PRICKLE2: variants seen among roughly 807,000 people sequenced by gnomAD.
PRICKLE2 encodes prickle-like protein 2.
PRICKLE2 carries 21 observed loss-of-function variants against 81.4 expected under a neutral mutation model. The observed-to-expected ratio is 0.26, with a 90% CI of 0.18 to 0.37. PRICKLE2 has a LOEUF of 0.37. Among genes scored for constraint, PRICKLE2 ranks in the 10% least tolerant of loss-of-function variants. The pLI is 1.00. For missense variants in PRICKLE2, 940 were observed against 1,109.0 expected (o/e 0.85, Z 2.16); for synonymous variants, 456 against 421.5 (o/e 1.08, Z -1.00).
chr3:64,199,225 T>C, intron 1 of PRICKLE2: 1 of 587,766 alleles, frequency 1.7e-6, no homozygotes, highest in Non-Finnish European at 3.0e-6. Context: ...GACCCCAGCC[T>C]TCTCTTCTAA....
intron 2 of PRICKLE2, among the ~76,000 whole-genome samples, chr3:64,239,784 C>T (rs758041522): frequency 7.2e-5 from 11 of 151,866 alleles, no homozygotes; most frequent in Non-Finnish European, 1.5e-4. Flanking sequence ...ATTTCTGAAT[C>T]GATTTCCTTT....
chr3:64,124,343 A>C (rs1308854286), intron 7 of PRICKLE2, among the ~76,000 whole-genome samples: 1 of 152,252 alleles, frequency 6.6e-6, no homozygotes, highest in East Asian at 1.9e-4. Flanking sequence ...GTGCAAGGTG[A>C]AGCAGCAAGT....
chr3:64,237,651 G>A (rs906339822), intron 2 of PRICKLE2, among the ~76,000 whole-genome samples: 1 of 152,118 alleles, frequency 6.6e-6, no homozygotes, highest in African/African-American at 2.4e-5. Context: ...GGCAAAATTT[G>A]GGCAGGAAAA....
At chr3:64,238,409 T>A (rs2079213396) in intron 2 of PRICKLE2, among the ~76,000 whole-genome samples, 2 of 146,264 alleles carry the variant, frequency 1.4e-5, no homozygotes, top group Non-Finnish European at 3.0e-5. Flanking sequence ...ATCACTTGAA[T>A]CCGGGAGGTG....
At chr3:64,148,087 A>G (rs2077487401) in intron 6 of PRICKLE2, among the ~76,000 whole-genome samples, 1 of 152,208 alleles carries the variant, frequency 6.6e-6, no homozygotes, top group Admixed American at 6.5e-5. Context: ...GCTTTCTAAT[A>G]TTATTTGCAG....
At chr3:64,106,293 T>C (rs1159223516) in intron 7 of PRICKLE2, among the ~76,000 whole-genome samples, 2 of 152,192 alleles carry the variant, frequency 1.3e-5, no homozygotes, top group Non-Finnish European at 2.9e-5. Context: ...CAAACTGCAA[T>C]GGCCAGTGAA....
intron 7 of PRICKLE2, among the ~76,000 whole-genome samples, chr3:64,113,203 G>T (rs1205030788): frequency 1.3e-5 from 2 of 152,236 alleles, no homozygotes; most frequent in African/African-American, 4.8e-5. Context: ...AGCCCAGAGG[G>T]TTTGCTGTGG....
In PRICKLE2 at chr3:64,202,975, T is replaced by C. The variant is rs78831792; in HGVS notation, c.-40-4008A>G. On this transcript the variant is annotated intron_variant, in intron 1 of 7. Coordinates refer to ENST00000638394, the MANE Select transcript of PRICKLE2 (RefSeq NM_198859.4). ...GTTTGTTGTTTTTACCACAAAAGGG[T>C]GTTGGAGTTTGTCAAATGCATTTTC... Among the ~76,000 whole-genome samples, 1,313 of 152,272 alleles carry C rather than the reference T, an allele frequency of 8.6e-3. 11 individuals carry two copies. Among genetic ancestry groups the C allele is most frequent in the African/African-American group, 0.03 (1,236 of 41,558 alleles).
At chr3:64,226,849 C>T (rs1418682744), upstream of PRICKLE2, among the ~76,000 whole-genome samples, 2 of 152,148 alleles carry the variant, frequency 1.3e-5, no homozygotes, top group Non-Finnish European at 2.9e-5. Context: ...TAAGGAAGCA[C>T]TGTGAGTGAA....
At chr3:64,144,489 C>T (rs558059505) in intron 7 of PRICKLE2, among the ~76,000 whole-genome samples, 2 of 152,346 alleles carry the variant, frequency 1.3e-5, no homozygotes, top group Admixed American at 6.5e-5. Flanking sequence ...CACATGGCAA[C>T]AAGCAGCTGG....
intron 7 of PRICKLE2, among the ~76,000 whole-genome samples, chr3:64,123,818 C>T (rs62249910): frequency 0.18 from 27,206 of 151,996 alleles, 2,670 homozygotes; most frequent in East Asian, 0.4. Flanking sequence ...CCCACCATTC[C>T]CCCATCTTTT....
intron 2 of PRICKLE2, among the ~76,000 whole-genome samples, chr3:64,165,309 G>A (rs531281542): frequency 2.0e-5 from 3 of 152,268 alleles, no homozygotes; most frequent in African/African-American, 4.8e-5. Context: ...TCTAGGGCAT[G>A]GCCAGTAGAT....
intron 2 of PRICKLE2, among the ~76,000 whole-genome samples, chr3:64,245,101 T>C (rs576124978): frequency 6.6e-6 from 1 of 152,336 alleles, no homozygotes; most frequent in African/African-American, 2.4e-5. Flanking sequence ...TTCAAGCCGA[T>C]TTTTCTAAGA....
intron 2 of PRICKLE2, among the ~76,000 whole-genome samples, chr3:64,186,625 G>A (rs2078238338): frequency 6.6e-6 from 1 of 152,174 alleles, no homozygotes; most frequent in Non-Finnish European, 1.5e-5. Flanking sequence ...CTGGAAAACT[G>A]CCATATTGAA....
chr3:64,137,438 A>G (rs1055867055), intron 7 of PRICKLE2, among the ~76,000 whole-genome samples: 1 of 152,186 alleles, frequency 6.6e-6, no homozygotes, highest in Admixed American at 6.5e-5. Context: ...CAAAGAGAAT[A>G]AAATCAGCAA....
intron 7 of PRICKLE2, among the ~76,000 whole-genome samples, chr3:64,114,357 A>G (rs1436626200): frequency 6.6e-6 from 1 of 152,224 alleles, no homozygotes; most frequent in Non-Finnish European, 1.5e-5. Flanking sequence ...GCAAGGAATC[A>G]TAACTGGGCT....
At chr3:64,141,965 G>C in intron 7 of PRICKLE2, 1 of 982,264 alleles carries the variant, frequency 1.0e-6, no homozygotes, top group Non-Finnish European at 1.2e-6. Context: ...AGGATTTAAA[G>C]ATATGCAGAT....
intron 2 of PRICKLE2, among the ~76,000 whole-genome samples, chr3:64,185,021 C>T (rs549031615): frequency 4.6e-5 from 7 of 152,156 alleles, no homozygotes; most frequent in Admixed American, 2.0e-4. Context: ...ATGATTCTTG[C>T]AATAACTTAC....
chr3:64,128,909 G>A (rs2077155608), intron 7 of PRICKLE2, among the ~76,000 whole-genome samples: 1 of 148,088 alleles, frequency 6.8e-6, no homozygotes, highest in African/African-American at 2.4e-5. Context: ...GTTATGGCAG[G>A]GATTTTTTAT....
Sources: gnomAD v4.1 joint callset for allele counts (sites outside exome capture counted in the v4.1 genomes callset) on GRCh38, gnomAD v4.1.1 for gene constraint, MANE v1.5 for transcripts, NCBI Gene and HGNC (gene_info 2026-07-23, HGNC 2026-07-21) for gene names.